The following SGMS1 variants were observed in gnomAD, a reference collection of about 807,000 sequenced individuals.
SGMS1 encodes phosphatidylcholine:ceramide cholinephosphotransferase 1.
SGMS1 carries 13 observed loss-of-function variants against 46.2 expected under a neutral mutation model. The observed-to-expected ratio is 0.28, with a 90% CI of 0.18 to 0.45. The LOEUF (loss-of-function observed/expected upper bound fraction) is 0.45. Among genes scored for constraint, SGMS1 ranks in the 20% least tolerant of loss-of-function variants. The pLI is 1.00. For missense variants in SGMS1, 324 were observed against 519.9 expected (o/e 0.62, Z 3.66); for synonymous variants, 203 against 187.8 (o/e 1.08, Z -0.66).
At chr10:50,323,323 C>G (rs142810660) in intron 8 of SGMS1, among the ~76,000 whole-genome samples, 1 of 152,114 alleles carries the variant, frequency 6.6e-6, no homozygotes, top group African/African-American at 2.4e-5. Flanking sequence ...CATAGTGAAA[C>G]CAAGTTTAAG....
chr10:50,563,375 T>C (rs1383640199), intron 2 of SGMS1, among the ~76,000 whole-genome samples: 3 of 152,236 alleles, frequency 2.0e-5, no homozygotes, highest in Non-Finnish European at 2.9e-5. Flanking sequence ...TACAGGAATG[T>C]ATTATACCAT....
rs1589417114 is a variant in SGMS1 at position 50,383,107 on chromosome 10, C to T, written c.-231-38762G>A. Among the ~76,000 whole-genome samples the T allele has an allele frequency of 3.9e-5, 6 of 152,210 alleles. 1 individual carries two copies. Among genetic ancestry groups the T allele is most frequent in the Admixed American group, 3.9e-4 (6 of 15,292 alleles). ...AATTGAAAAGACTTTATAAGATTAT[C>T]AAATTATCTCGGCAAAAATTTTGGG... On this transcript the variant is annotated intron_variant, in intron 6 of 10. Coordinates refer to ENST00000361781, the MANE Select transcript of SGMS1 (RefSeq NM_147156.4).
chr10:50,605,540 C>T (rs964032698), intron 1 of SGMS1, among the ~76,000 whole-genome samples: 13 of 152,160 alleles, frequency 8.5e-5, no homozygotes, highest in African/African-American at 3.1e-4. Flanking sequence ...ACAGGACTTG[C>T]TCAAGGTTGC....
intron 6 of SGMS1, among the ~76,000 whole-genome samples, chr10:50,383,688 A>C (rs904395638): frequency 6.6e-6 from 1 of 152,118 alleles, no homozygotes; most frequent in Admixed American, 6.6e-5. Context: ...AATTGCCTTA[A>C]TTCTCTATAA....
At chr10:50,388,563 A>C (rs2133499178) in intron 6 of SGMS1, among the ~76,000 whole-genome samples, 1 of 152,108 alleles carries the variant, frequency 6.6e-6, no homozygotes, top group Admixed American at 6.6e-5. Context: ...CAGCGAGCTA[A>C]GTTCGCACCA....
chr10:50,511,140 A>G (rs1366446382), intron 3 of SGMS1, among the ~76,000 whole-genome samples: 2 of 152,102 alleles, frequency 1.3e-5, no homozygotes. Context: ...TTTGTTTATT[A>G]TATGCCAGAC....
chr10:50,330,901 T>G (rs957656494), intron 7 of SGMS1, among the ~76,000 whole-genome samples: 2 of 152,210 alleles, frequency 1.3e-5, no homozygotes, highest in South Asian at 2.1e-4. Context: ...ATGCTAGTTT[T>G]ACCTTTAACA....
upstream of SGMS1, among the ~76,000 whole-genome samples, chr10:50,624,401 T>C (rs753682645): frequency 2.0e-5 from 3 of 152,164 alleles, no homozygotes; most frequent in Non-Finnish European, 2.9e-5. Context: ...TTGGGATTAA[T>C]GCCCAATGGA....
intron 6 of SGMS1, among the ~76,000 whole-genome samples, chr10:50,381,908 T>TA (rs1848612513): frequency 6.6e-6 from 1 of 152,204 alleles, no homozygotes; most frequent in Non-Finnish European, 1.5e-5. Flanking sequence ...GCTGGCTGGC[T>TA]AAACGTCAGT....
intron 2 of SGMS1, among the ~76,000 whole-genome samples, chr10:50,566,618 A>G (rs1270299542): frequency 6.6e-6 from 1 of 152,224 alleles, no homozygotes; most frequent in African/African-American, 2.4e-5. Flanking sequence ...ATTTCAACTC[A>G]AATTCAACTA....
chr10:50,445,968 T>A (rs1266552991), intron 5 of SGMS1, among the ~76,000 whole-genome samples: 1 of 152,152 alleles, frequency 6.6e-6, no homozygotes, highest in Non-Finnish European at 1.5e-5. Context: ...GTCTGTCTTT[T>A]ACGATTGTAG....
intron 6 of SGMS1, among the ~76,000 whole-genome samples, chr10:50,348,970 T>A (rs1463462409): frequency 6.6e-6 from 1 of 152,164 alleles, no homozygotes; most frequent in Non-Finnish European, 1.5e-5. Flanking sequence ...AAAACAGGTA[T>A]ATAGACAATC....
intron 7 of SGMS1, among the ~76,000 whole-genome samples, chr10:50,337,667 T>C (rs903931730): frequency 6.6e-6 from 1 of 152,132 alleles, no homozygotes; most frequent in Non-Finnish European, 1.5e-5. Flanking sequence ...TAAATGTTAG[T>C]GGAGAATCTA....
chr10:50,577,194 G>C (rs143126564), intron 2 of SGMS1, among the ~76,000 whole-genome samples: 16 of 152,314 alleles, frequency 1.1e-4, no homozygotes, highest in Admixed American at 6.5e-4. Flanking sequence ...TTGTGGCAGA[G>C]GCAACAACTG....
At chr10:50,617,647 T>C (rs1289820902) in intron 1 of SGMS1, among the ~76,000 whole-genome samples, 1 of 152,142 alleles carries the variant, frequency 6.6e-6, no homozygotes, top group Non-Finnish European at 1.5e-5. Context: ...AGTGGTGCAA[T>C]CTGGGCTCAC....
intron 6 of SGMS1, among the ~76,000 whole-genome samples, chr10:50,386,790 A>C (rs73330990): frequency 0.062 from 9,393 of 152,212 alleles, 677 homozygotes; most frequent in African/African-American, 0.18. Context: ...AGGGGAGGAA[A>C]CATCAATTCC....
intron 7 of SGMS1, among the ~76,000 whole-genome samples, chr10:50,340,964 C>G (rs927646758): frequency 4.6e-5 from 7 of 152,130 alleles, no homozygotes; most frequent in African/African-American, 1.7e-4. Flanking sequence ...GAATTACTGG[C>G]CAAATAGGCT....
At chr10:50,309,342 TC>T (rs1466491168) in intron 9 of SGMS1, among the ~76,000 whole-genome samples, 2 of 152,200 alleles carry the variant, frequency 1.3e-5, no homozygotes, top group Admixed American at 6.5e-5. Context: ...ATAAACTTTT[TC>T]CCACCCGATG....
chr10:50,606,539 A>G (rs1326840942), intron 1 of SGMS1, among the ~76,000 whole-genome samples: 1 of 152,252 alleles, frequency 6.6e-6, no homozygotes, highest in Admixed American at 6.5e-5. Context: ...TTGGAATAGT[A>G]GAAATATTTT....
Sources: allele counts gnomAD v4.1 joint callset (sites outside exome capture counted in the v4.1 genomes callset), GRCh38; gene constraint gnomAD v4.1.1; transcripts MANE v1.5; gene names NCBI Gene and HGNC (gene_info 2026-07-23, HGNC 2026-07-21).